RAI1: variants seen among roughly 807,000 people sequenced by gnomAD.
The protein encoded by RAI1 is retinoic acid induced 1, also known as retinoic acid-induced protein 1.
A neutral mutation model predicts 123.8 loss-of-function variants in RAI1; 9 were observed. The ratio of observed to expected loss-of-function variants is 0.07; its 90% CI spans 0.04 to 0.13. The LOEUF is 0.13. RAI1 is among the 10% of genes least tolerant of loss of function. The probability of loss-of-function intolerance (pLI) is 1.00; values close to 1 mark genes in which losing one functional copy is unlikely to be tolerated. For synonymous variants in RAI1, 1,231 were observed against 1,127.3 expected, an observed-to-expected ratio of 1.09 and a Z score of -1.84; for missense variants, 2,256 against 2,545.8, an observed-to-expected ratio of 0.89 and a Z score of 2.45.
chr17:17,684,987 G>A (rs1480497417), intron 1 of RAI1: 1 of 152,226 alleles, frequency 6.6e-6, no homozygotes, highest in Non-Finnish European at 1.5e-5. Context: ...TAAAGATGCA[G>A]TGAGTTAATC....
At chr17:17,696,813 A>C (rs1164972396) in intron 1 of RAI1, among the ~76,000 whole-genome samples, 1 of 152,240 alleles carries the variant, frequency 6.6e-6, no homozygotes. Flanking sequence ...CAGATATGCC[A>C]GGTTTCAGGG....
intron 2 of RAI1, among the ~76,000 whole-genome samples, chr17:17,775,282 C>T (rs2031300544): frequency 6.7e-6 from 1 of 149,612 alleles, no homozygotes; most frequent in South Asian, 2.1e-4. Context: ...CTGCTCACTG[C>T]AGCCTGGACC....
At chr17:17,741,554 G>A (rs931263450) in intron 2 of RAI1, among the ~76,000 whole-genome samples, 4 of 152,332 alleles carry the variant, frequency 2.6e-5, no homozygotes, top group African/African-American at 4.8e-5. Flanking sequence ...TGCCCTGGCC[G>A]CCTCCCTCAG....
At chr17:17,688,566 T>C (rs1391625756) in intron 1 of RAI1, among the ~76,000 whole-genome samples, 2 of 152,126 alleles carry the variant, frequency 1.3e-5, no homozygotes, top group East Asian at 3.9e-4. Flanking sequence ...TGGGATATCA[T>C]TGCTGGGCTG....
chr17:17,746,493 C>G (rs2029927010), intron 2 of RAI1, among the ~76,000 whole-genome samples: 3 of 152,194 alleles, frequency 2.0e-5, no homozygotes, highest in African/African-American at 7.2e-5. Context: ...CTGTCCCTCC[C>G]TAAACTGGGA....
Position 17,795,958 on chromosome 17 carries a change from C to A in RAI1, c.3010C>A (p.His1004Asn). The A allele has an allele frequency of 6.2e-7, 1 of 1,605,364 alleles. No homozygotes were observed. ...RGKSLRSRRV[H>N]RGLPEAEDSP... ...CAAAAGCTTACGGAGCCGTCGGGTG[C>A]ACCGGGGGCTGCCCGAGGCCGAGGA... The change falls in exon 3 of 6, where the codon CAC becomes AAC. Residue 1004 changes from histidine to asparagine, a missense_variant. Physicochemically the swap from His to Asn is moderately conservative, Grantham distance 68. Transcript: ENST00000353383. This position sits in a 1 kb window ranked among gnomAD's most constrained non-coding sequence, Gnocchi z 5.9.
rs752948468 is a variant in RAI1, at chr17:17,793,872, C to A, written c.924C>A (p.Leu308=). Residue 308 remains leucine, a synonymous_variant, in exon 3 of 6, where the codon CTC becomes CTA. Coordinates refer to ENST00000353383, the MANE Select transcript of RAI1 (RefSeq NM_030665.4). ...AGGAAACCCTCCATTACCAAAACCT[C>A]GCCAAGTATCAGCACTACGGGCAGC... ...HAQETLHYQN[L]AKYQHYGQQG... is the part of the protein sequence containing the mutation. 1 of 1,613,682 alleles carries A rather than the reference C, an allele frequency of 6.2e-7. No individual in the cohort carries two copies. Among genetic ancestry groups the A allele is most frequent in the Non-Finnish European group, 8.5e-7 (1 of 1,180,024 alleles).
intron 2 of RAI1, among the ~76,000 whole-genome samples, chr17:17,791,439 G>A (rs769934732): frequency 3.5e-5 from 5 of 143,544 alleles, no homozygotes; most frequent in South Asian, 4.4e-4. Flanking sequence ...GCCCCTCCCC[G>A]ACTCTGCGTG....
chr17:17,786,596 A>C (rs1230060523), intron 2 of RAI1, among the ~76,000 whole-genome samples: 3 of 152,232 alleles, frequency 2.0e-5, no homozygotes, highest in Non-Finnish European at 4.4e-5. Flanking sequence ...CTGTGTAGTT[A>C]TCTGGGAGTG....
intron 2 of RAI1, among the ~76,000 whole-genome samples, chr17:17,792,490 C>T (rs949250667): frequency 4.1e-5 from 6 of 144,728 alleles, no homozygotes; most frequent in East Asian, 2.1e-4. Flanking sequence ...GATGAGGGAG[C>T]GGGAATTGCT....
intron 4 of RAI1, among the ~76,000 whole-genome samples, chr17:17,807,192 A>G (rs1157239608): frequency 7.7e-6 from 1 of 129,130 alleles, no homozygotes; most frequent in African/African-American, 2.9e-5. Flanking sequence ...GAAGGCGGGG[A>G]GGACGGGCGC....
intron 1 of RAI1, among the ~76,000 whole-genome samples, chr17:17,708,499 C>T (rs1915464569): frequency 6.6e-6 from 1 of 152,002 alleles, no homozygotes; most frequent in African/African-American, 2.4e-5. Flanking sequence ...GATTCAAAGT[C>T]CTAGGCTCAA....
Position 17,794,803 on chromosome 17 carries a change from G to C in RAI1, c.1855G>C (p.Gly619Arg). 4 of 1,613,104 alleles carry C rather than the reference G, an allele frequency of 2.5e-6. No individual in the cohort carries two copies. The highest frequency in any genetic ancestry group is 3.4e-6 in the Non-Finnish European group (4 of 1,180,014). ...SEILGLQEAI[G>R]EKADKAWAEA... ...GATCCTGGGGCTGCAGGAAGCCATCGGTGAGAAGGCCGACAAAGCTTGGGC... is the reference window on the plus strand; with the variant it reads ...GATCCTGGGGCTGCAGGAAGCCATCCGTGAGAAGGCCGACAAAGCTTGGGC... The change falls in exon 3 of 6, where the codon GGT (glycine) becomes CGT (arginine). Residue 619 changes from glycine to arginine, a missense_variant. Gly to Arg is a moderately radical substitution (Grantham distance 125, BLOSUM62 -2). This residue lies in a region of RAI1 where 357 missense variants were observed against 480.2 expected (regional missense o/e 0.74). Transcript: ENST00000353383.
At position 17,800,180 on chromosome 17, in the gene RAI1, G is replaced by GTGTCTCTCTC. The variant is rs1407505001; in HGVS notation, c.5565+1668_5565+1669insGTCTCTCTCT. ...TCTCTCCTGCTTTCTGTCTCTCTCT[G>GTGTCTCTCTC]TCTCTCTCTCTCTCTCTCTCTCTCT... On this transcript the variant is annotated intron_variant, in intron 3 of 5. Coordinates refer to ENST00000353383, the MANE Select transcript of RAI1 (RefSeq NM_030665.4). The surrounding 1 kb of genome is among the most constrained non-coding windows in gnomAD (Gnocchi z 4.7). Among the ~76,000 whole-genome samples, 14 of 116,316 alleles carry GTGTCTCTCTC rather than the reference G, an allele frequency of 1.2e-4. No individual in the cohort carries two copies. Among genetic ancestry groups the GTGTCTCTCTC allele is most frequent in the African/African-American group, 3.9e-4 (13 of 33,336 alleles). The allele number at this position is 116,316 out of a possible 152,430, so 76.3% of individuals were successfully genotyped here.
At chr17:17,739,111 G>A (rs1005543330) in intron 2 of RAI1, among the ~76,000 whole-genome samples, 11 of 152,214 alleles carry the variant, frequency 7.2e-5, no homozygotes, top group South Asian at 4.1e-4. Context: ...AGTGAAGAAC[G>A]GGAGTGAGGC....
intron 2 of RAI1, among the ~76,000 whole-genome samples, chr17:17,760,686 A>AC (rs2030654674): frequency 6.6e-6 from 1 of 152,328 alleles, no homozygotes; most frequent in African/African-American, 2.4e-5. Flanking sequence ...AAATGGTGGC[A>AC]CCACCCTGCA....
In RAI1 at chr17:17,809,896, C is replaced by G; in HGVS notation, c.5710-74C>G. On this transcript the variant is annotated intron_variant, in intron 5 of 5. Coordinates refer to ENST00000353383, the MANE Select transcript of RAI1 (RefSeq NM_030665.4). The surrounding 1 kb of genome is among the most constrained non-coding windows in gnomAD (Gnocchi z 4.9). Reference sequence around the variant, plus strand: ...TGGGTCTGGGGCTTAGGCGGGGGGCCCACACTGGGGGCGGGGCCTATGGAC... The same window carrying G: ...TGGGTCTGGGGCTTAGGCGGGGGGCGCACACTGGGGGCGGGGCCTATGGAC... 6.5e-7 allele frequency: 1 copy of G among 1,547,830 alleles called. No homozygotes were observed. The highest frequency in any genetic ancestry group is 8.7e-7 in the Non-Finnish European group (1 of 1,146,330).
chr17:17,807,608 T>C (rs1441522331), intron 4 of RAI1, among the ~76,000 whole-genome samples: 1 of 152,198 alleles, frequency 6.6e-6, no homozygotes, highest in African/African-American at 2.4e-5. Context: ...AGGAGCCAGA[T>C]CACTGAGGAC....
In RAI1 at chr17:17,795,548, C is replaced by T. The variant is rs201568125; in HGVS notation, c.2600C>T (p.Ala867Val). The T allele has an allele frequency of 6.2e-7, 1 of 1,606,906 alleles. No individual in the cohort carries two copies. The highest frequency in any genetic ancestry group is 8.5e-7 in the Non-Finnish European group (1 of 1,176,830). ...ACCAGCAGGAAGGAGGACCTGGAAGCTGAGGAGGAGTACTCCTCCCTATGT... is the reference window on the plus strand; with the variant it reads ...ACCAGCAGGAAGGAGGACCTGGAAGTTGAGGAGGAGTACTCCTCCCTATGT... ...PPTSRKEDLE[A>V]EEEYSSLCEL... Residue 867 changes from alanine to valine, a missense_variant, in exon 3 of 6, where the codon GCT becomes GTT. Physicochemically the swap from Ala to Val is moderately conservative, Grantham distance 64 (BLOSUM62 0). Transcript: ENST00000353383. This position sits in a 1 kb window ranked among gnomAD's most constrained non-coding sequence, Gnocchi z 5.9.
Sources: gnomAD v4.1 joint callset for allele counts (sites outside exome capture counted in the v4.1 genomes callset) on GRCh38, gnomAD v4.1.1 for gene constraint, gnomAD v4.1.1 regional missense constraint, Gnocchi (gnomAD v3.1) non-coding constraint, MANE v1.5 for transcripts, NCBI Gene and HGNC (gene_info 2026-07-23, HGNC 2026-07-21) for gene names.